The following CNTN5 variants were observed in gnomAD, a reference collection of about 807,000 sequenced individuals.
CNTN5 encodes the protein contactin 5.
A neutral mutation model predicts 129.1 loss-of-function variants in CNTN5; 77 were observed. The observed-to-expected ratio is 0.60, with a 90% CI of 0.50 to 0.72. CNTN5 has a LOEUF of 0.72. Ranked by LOEUF, CNTN5 falls within the 30% of genes least tolerant of loss-of-function variation. The pLI is 0.00. For synonymous variants in CNTN5, 509 were observed against 465.6 expected, an observed-to-expected ratio of 1.09 and a Z score of -1.20; for missense variants, 1,478 against 1,328.8, an observed-to-expected ratio of 1.11 and a Z score of -1.75.
At chr11:99,485,978 C>T (rs1205592051) in intron 2 of CNTN5, among the ~76,000 whole-genome samples, 2 of 151,980 alleles carry the variant, frequency 1.3e-5, no homozygotes, top group East Asian at 3.9e-4. Context: ...ATACAATACG[C>T]TTACAATTAA....
chr11:99,954,587 G>C (rs1165898434), intron 7 of CNTN5, among the ~76,000 whole-genome samples: 1 of 151,992 alleles, frequency 6.6e-6, no homozygotes, highest in East Asian at 1.9e-4. Context: ...ATAGTTCTCA[G>C]GTTACAATGT....
intron 2 of CNTN5, among the ~76,000 whole-genome samples, chr11:99,380,261 T>G (rs1412775761): frequency 6.6e-6 from 1 of 152,144 alleles, no homozygotes; most frequent in Non-Finnish European, 1.5e-5. Flanking sequence ...ACTACACACT[T>G]TACACATCTC....
intron 2 of CNTN5, among the ~76,000 whole-genome samples, chr11:99,380,081 CTGTGTG>C (rs10671165): frequency 6.7e-6 from 1 of 148,194 alleles, no homozygotes; most frequent in African/African-American, 2.5e-5. Flanking sequence ...AATGGTGTGT[CTGTGTG>C]TGTGTGTGTG....
intron 7 of CNTN5, among the ~76,000 whole-genome samples, chr11:99,935,689 G>A (rs1317329050): frequency 6.6e-6 from 1 of 152,010 alleles, no homozygotes; most frequent in Non-Finnish European, 1.5e-5. Context: ...TATTAAGTTT[G>A]TTGATAAGTA....
chr11:99,205,233 G>A (rs2135645488), intron 1 of CNTN5, among the ~76,000 whole-genome samples: 1 of 152,192 alleles, frequency 6.6e-6, no homozygotes, highest in South Asian at 2.1e-4. Flanking sequence ...TCACTGAATA[G>A]TATTAAAATT....
chr11:100,191,287 A>C (rs1948481461), intron 14 of CNTN5, 34 bp downstream of exon 14: 1 of 1,588,076 alleles, frequency 6.3e-7, no homozygotes, highest in Middle Eastern at 1.7e-4. Flanking sequence ...TTACAAGCAT[A>C]GTCTCATGGT....
At chr11:100,259,384 G>A (rs1480235163) in intron 17 of CNTN5, among the ~76,000 whole-genome samples, 1 of 151,722 alleles carries the variant, frequency 6.6e-6, no homozygotes, top group African/African-American at 2.4e-5. Context: ...TTGGACAAAG[G>A]AACAAGACAG....
chr11:99,651,526 G>GAT (rs1952156247), intron 3 of CNTN5, among the ~76,000 whole-genome samples: 1 of 151,932 alleles, frequency 6.6e-6, no homozygotes, highest in African/African-American at 2.4e-5. Flanking sequence ...CGAAGTGACA[G>GAT]ATATAAAGTG....
chr11:99,597,472 G>C (rs751026458), intron 3 of CNTN5, among the ~76,000 whole-genome samples: 1 of 151,358 alleles, frequency 6.6e-6, no homozygotes, highest in Admixed American at 6.6e-5. Flanking sequence ...GAGTAGTGAG[G>C]GGAGCTTGGA....
chr11:99,809,442 TATA>T (rs1233239415), intron 3 of CNTN5, among the ~76,000 whole-genome samples: 1 of 152,186 alleles, frequency 6.6e-6, no homozygotes, highest in Non-Finnish European at 1.5e-5. Flanking sequence ...ATGTGGGATA[TATA>T]ATAATCATTT....
chr11:99,818,986 CAT>C (rs1171889598), intron 3 of CNTN5, among the ~76,000 whole-genome samples: 3 of 152,006 alleles, frequency 2.0e-5, no homozygotes, highest in African/African-American at 4.8e-5. Context: ...AGTTAAAACA[CAT>C]GTGCTACATT....
chr11:100,030,982 A>T (rs1482763408), intron 9 of CNTN5, among the ~76,000 whole-genome samples: 1 of 152,164 alleles, frequency 6.6e-6, no homozygotes, highest in African/African-American at 2.4e-5. Flanking sequence ...AGTCTCCCAT[A>T]ATGTCATAGG....
At chr11:100,015,337 T>C (rs1187324624) in intron 9 of CNTN5, among the ~76,000 whole-genome samples, 1 of 152,182 alleles carries the variant, frequency 6.6e-6, no homozygotes, top group Non-Finnish European at 1.5e-5. Context: ...ATTTTTCTAC[T>C]TGGGTTCTAG....
chr11:99,866,750 G>C (rs748717275), intron 6 of CNTN5, among the ~76,000 whole-genome samples: 50 of 152,142 alleles, frequency 3.3e-4, no homozygotes, highest in Non-Finnish European at 6.5e-4. Flanking sequence ...CAGGGTGCTG[G>C]CACCTGCTGG....
At chr11:99,689,176 C>A (rs367772090) in intron 3 of CNTN5, among the ~76,000 whole-genome samples, 1 of 152,066 alleles carries the variant, frequency 6.6e-6, no homozygotes, top group Non-Finnish European at 1.5e-5. Flanking sequence ...TCTGAGAAAT[C>A]GCCACACTGT....
At chr11:99,842,754 AT>A (rs975051675) in intron 4 of CNTN5, among the ~76,000 whole-genome samples, 2 of 152,150 alleles carry the variant, frequency 1.3e-5, no homozygotes, top group Admixed American at 1.3e-4. Context: ...AAGTTTTCCA[AT>A]TTTTTATAAA....
intron 3 of CNTN5, among the ~76,000 whole-genome samples, chr11:99,687,167 T>C (rs954469598): frequency 1.5e-5 from 2 of 130,530 alleles, no homozygotes; most frequent in African/African-American, 2.5e-5. Context: ...TGTTGTTTTG[T>C]ACACTGTTAT....
chr11:99,511,925 C>A (rs1163266924), intron 2 of CNTN5, among the ~76,000 whole-genome samples: 1 of 151,678 alleles, frequency 6.6e-6, no homozygotes, highest in Non-Finnish European at 1.5e-5. Context: ...GTGTTTTAAG[C>A]TCAATGTTAT....
intron 1 of CNTN5, among the ~76,000 whole-genome samples, chr11:99,117,525 CA>C (rs1467976963): frequency 6.6e-6 from 1 of 152,106 alleles, no homozygotes; most frequent in African/African-American, 2.4e-5. Context: ...CATGGTGTTA[CA>C]TAAATAGAAT....
Sources: gnomAD v4.1 joint callset for allele counts (sites outside exome capture counted in the v4.1 genomes callset) on GRCh38, gnomAD v4.1.1 for gene constraint, MANE v1.5 for transcripts, NCBI Gene and HGNC (gene_info 2026-07-23, HGNC 2026-07-21) for gene names.